The following SMIM36 variants were observed in gnomAD, a reference collection of about 807,000 sequenced individuals.
SMIM36 encodes small integral membrane protein 36.
At chr17:55,492,986 C>T (rs889737988) in intron 1 of SMIM36, among the ~76,000 whole-genome samples, 1 of 152,196 alleles carries the variant, frequency 6.6e-6, no homozygotes, top group Non-Finnish European at 1.5e-5. Context: ...TGTAGAATCA[C>T]CAACGCGGGG....
intron 1 of SMIM36, among the ~76,000 whole-genome samples, chr17:55,507,671 A>G (rs1002641359): frequency 1.4e-5 from 2 of 146,764 alleles, no homozygotes; most frequent in East Asian, 2.0e-4. Context: ...TGGCACATGT[A>G]TACATATGTA....
In SMIM36 at chr17:55,465,681, C is replaced by A. The variant is rs185748387; in HGVS notation, c.*531+1464G>T. On this transcript the variant is annotated intron_variant, in intron 4 of 4. Transcript: ENST00000636752. Reference sequence around the variant, plus strand: ...AAGTTCTTTCATCAGGTGGTGATTTCCAGACCACAGTGAATGTTCAAGCAG... The same window carrying A: ...AAGTTCTTTCATCAGGTGGTGATTTACAGACCACAGTGAATGTTCAAGCAG... 3.3e-5 allele frequency among the ~76,000 whole-genome samples: 5 copies of A among 152,114 alleles called. No homozygotes were observed. The East Asian group carries it at 9.7e-4, about 29-fold the overall frequency.
At chr17:55,519,968 G>T in the SMIM36 span, among the ~76,000 whole-genome samples, 1 of 152,154 alleles carries the variant, frequency 6.6e-6, no homozygotes, top group Non-Finnish European at 1.5e-5. Context: ...ATTCTTTCAT[G>T]ATTCTAGAGG....
the SMIM36 span, among the ~76,000 whole-genome samples, chr17:55,531,155 C>T: frequency 6.6e-6 from 1 of 152,170 alleles, no homozygotes; most frequent in Non-Finnish European, 1.5e-5. Context: ...AAAGGCCAAA[C>T]ATCTCAAGCA....
intron 4 of SMIM36, among the ~76,000 whole-genome samples, chr17:55,460,751 G>C (rs997220845): frequency 6.6e-6 from 1 of 152,038 alleles, no homozygotes; most frequent in Non-Finnish European, 1.5e-5. Flanking sequence ...CCAGCTACTC[G>C]GGAGGCTGAG....
At chr17:55,524,713 A>G in the SMIM36 span, among the ~76,000 whole-genome samples, 1 of 152,168 alleles carries the variant, frequency 6.6e-6, no homozygotes. Flanking sequence ...GTCCATTATT[A>G]CTAAGAGAAA....
intron 4 of SMIM36, among the ~76,000 whole-genome samples, chr17:55,450,609 T>C (rs1239356829): frequency 6.6e-6 from 1 of 152,208 alleles, no homozygotes; most frequent in Admixed American, 6.5e-5. Context: ...ACACAGTTGC[T>C]GAGTGTGAGC....
chr17:55,486,700 C>G (rs908031990), intron 1 of SMIM36, among the ~76,000 whole-genome samples: 1 of 152,110 alleles, frequency 6.6e-6, no homozygotes, highest in African/African-American at 2.4e-5. Context: ...TATATTCTAT[C>G]CAAAGTGAAC....
chr17:55,495,354 G>T (rs1032688524), intron 1 of SMIM36, among the ~76,000 whole-genome samples: 6 of 152,166 alleles, frequency 3.9e-5, no homozygotes, highest in African/African-American at 1.4e-4. Context: ...GATGGCTGAT[G>T]GTGATTCACC....
At position 55,501,717 on chromosome 17, in the gene SMIM36, G is replaced by A. The variant is rs577876399; in HGVS notation, c.*174+9162C>T. 2.8e-3 allele frequency among the ~76,000 whole-genome samples: 426 copies of A among 149,700 alleles called. 1 individual carries two copies. Among genetic ancestry groups the A allele is most frequent in the African/African-American group, 0.01 (410 of 40,654 alleles). ...ATAGTCCCATGAAATACATACATTC[G>A]GGGAGGAGCCAAGATGGCCGAATAG... On this transcript the variant is annotated intron_variant, in intron 1 of 4. Coordinates refer to ENST00000636752, the Ensembl canonical transcript of SMIM36.
upstream of SMIM36, among the ~76,000 whole-genome samples, chr17:55,511,731 G>T (rs774633296): frequency 6.6e-6 from 1 of 152,214 alleles, no homozygotes; most frequent in Non-Finnish European, 1.5e-5. Context: ...AAATTGGATT[G>T]TCCTGGACAA....
At position 55,500,082 on chromosome 17, in the gene SMIM36, T is replaced by C. The variant is rs539546081; in HGVS notation, c.*174+10797A>G. Among the ~76,000 whole-genome samples, 213 of 151,896 alleles carry C rather than the reference T, an allele frequency of 1.4e-3. 1 individual carries two copies. Among genetic ancestry groups the C allele is most frequent in the Middle Eastern group, 3.4e-3 (1 of 294 alleles). On this transcript the variant is annotated intron_variant, in intron 1 of 4. Transcript: ENST00000636752. ...GAGGCCAAATATTCTTGGGAAGAAATCGCAATTTCTTCTGGGCTTATTTCC... is the reference window on the plus strand; with the variant it reads ...GAGGCCAAATATTCTTGGGAAGAAACCGCAATTTCTTCTGGGCTTATTTCC...
intron 4 of SMIM36, among the ~76,000 whole-genome samples, chr17:55,458,857 C>T (rs1909082625): frequency 1.3e-5 from 2 of 152,120 alleles, no homozygotes; most frequent in Non-Finnish European, 2.9e-5. Context: ...TAAAATTTTA[C>T]ACTCATTCTC....
intron 4 of SMIM36, among the ~76,000 whole-genome samples, chr17:55,465,144 G>A (rs958769799): frequency 1.3e-5 from 2 of 152,198 alleles, no homozygotes; most frequent in Admixed American, 6.5e-5. Flanking sequence ...TCCATTCTGA[G>A]TACGACATTG....
chr17:55,529,926 T>G, the SMIM36 span, among the ~76,000 whole-genome samples: 1 of 152,260 alleles, frequency 6.6e-6, no homozygotes, highest in Non-Finnish European at 1.5e-5. Context: ...TTTAGGTAAG[T>G]GCATCCTCAG....
Position 55,501,818 on chromosome 17 carries a change from C to T in SMIM36, c.*174+9061G>A, listed in dbSNP as rs992343528. Among the ~76,000 whole-genome samples the T allele has an allele frequency of 1.7e-4, 25 of 151,194 alleles. No homozygotes were observed. The East Asian group carries it at 2.9e-3, about 18-fold the overall frequency. On this transcript the variant is annotated intron_variant, in intron 1 of 4. Transcript: ENST00000636752. The stretch of plus-strand genomic sequence containing the variant: ...ATTTCTGCATTTCCATCTGAGGTAC[C>T]GGGTTCATCTCACTAGGGAGTGCCA...
chr17:55,517,742 G>A, the SMIM36 span, among the ~76,000 whole-genome samples: 74,612 of 152,024 alleles, frequency 0.49, 18,554 homozygotes, highest in Middle Eastern at 0.51. Context: ...ATTGGAGATG[G>A]TGAGAAGACA....
the SMIM36 span, among the ~76,000 whole-genome samples, chr17:55,530,462 T>C: frequency 6.6e-6 from 1 of 152,274 alleles, no homozygotes; most frequent in Admixed American, 6.5e-5. Flanking sequence ...GTAGAGCTAA[T>C]TAATACAGAC....
At chr17:55,460,807 G>A (rs1227049444) in intron 4 of SMIM36, among the ~76,000 whole-genome samples, 1 of 152,036 alleles carries the variant, frequency 6.6e-6, no homozygotes, top group African/African-American at 2.4e-5. Flanking sequence ...CCAGTGAGCC[G>A]AGACTGTGCC....
Sources: gnomAD v4.1 joint callset for allele counts (sites outside exome capture counted in the v4.1 genomes callset) on GRCh38, gnomAD v4.1.1 for gene constraint, MANE v1.5 for transcripts, NCBI Gene and HGNC (gene_info 2026-07-23, HGNC 2026-07-21) for gene names.